The following LRRC4B variants were observed in gnomAD, a reference collection of about 807,000 sequenced individuals.
The protein encoded by LRRC4B is leucine rich repeat containing 4B.
Under a neutral mutation model 7.3 loss-of-function variants are expected in LRRC4B, and 1 was observed. The observed-to-expected ratio is 0.14, with a 90% CI of 0.05 to 0.65. The LOEUF is 0.65. Among genes scored for constraint, LRRC4B ranks in the 30% least tolerant of loss-of-function variants. LRRC4B has a pLI of 0.84. For missense variants in LRRC4B, 730 were observed against 1,041.6 expected, an observed-to-expected ratio of 0.70 and a Z score of 4.12; for synonymous variants, 500 against 499.2, an observed-to-expected ratio of 1.00 and a Z score of -0.02.
At chr19:50,549,500 G>C (rs1252072489) in intron 1 of LRRC4B, among the ~76,000 whole-genome samples, 3 of 152,114 alleles carry the variant, frequency 2.0e-5, no homozygotes, top group Non-Finnish European at 4.4e-5. Context: ...ACCCTCCGCT[G>C]CACACCCTCC....
Position 50,522,050 on chromosome 19 carries a change from C to A in LRRC4B, c.298-2635G>T, listed in dbSNP as rs544372056. Among the ~76,000 whole-genome samples, 305 of 152,176 alleles carry A rather than the reference C, an allele frequency of 2.0e-3. 1 individual carries two copies. The highest frequency in any genetic ancestry group is 6.9e-3 in the African/African-American group (287 of 41,524). ...AAAATTAGCCCTGTGTGATGGCATG[C>A]ACCTGTGGTCCCAGCTACTCAGAAG... On this transcript the variant is annotated intron_variant, in intron 2 of 2. Transcript: ENST00000652263.
intron 2 of LRRC4B, among the ~76,000 whole-genome samples, chr19:50,526,846 T>C (rs896669826): frequency 1.3e-5 from 2 of 150,890 alleles, no homozygotes; most frequent in African/African-American, 2.4e-5. Flanking sequence ...TATTTTTTCA[T>C]TATCTTTTAC....
chr19:50,559,382 T>C (rs1407434872), intron 1 of LRRC4B, among the ~76,000 whole-genome samples: 2 of 151,942 alleles, frequency 1.3e-5, no homozygotes, highest in Non-Finnish European at 2.9e-5. Context: ...TGCAGTGAGC[T>C]GAGATGGCGC....
chr19:50,544,178 G>C (rs1981690790), intron 2 of LRRC4B, among the ~76,000 whole-genome samples: 1 of 151,668 alleles, frequency 6.6e-6, no homozygotes, highest in African/African-American at 2.4e-5. Flanking sequence ...TTGCACTCCA[G>C]CTTGGGCAAC....
intron 1 of LRRC4B, among the ~76,000 whole-genome samples, chr19:50,559,650 G>C (rs537047486): frequency 4.4e-4 from 67 of 152,360 alleles, no homozygotes; most frequent in African/African-American, 1.6e-3. Flanking sequence ...GCCCCCGCCA[G>C]CTCCACTCAT....
Position 50,563,409 on chromosome 19 carries a change from C to A in LRRC4B, c.-36+4535G>T, listed in dbSNP as rs1982533262. 2.0e-5 allele frequency among the ~76,000 whole-genome samples: 3 copies of A among 152,178 alleles called. No individual in the cohort carries two copies. In the South Asian group the frequency reaches 6.2e-4, roughly 31 times the overall value. ...AGTTAATGAGGTTTCCCGTACCCCA[C>A]CAGAGAGGACACAAAGACGTGCCCC... On this transcript the variant is annotated intron_variant, in intron 1 of 2. Coordinates refer to ENST00000652263, the MANE Select transcript of LRRC4B (RefSeq NM_001080457.2). This position sits in a 1 kb window ranked among gnomAD's most constrained non-coding sequence, Gnocchi z 4.9.
Position 50,563,676 on chromosome 19 carries a change from G to T in LRRC4B, c.-36+4268C>A, listed in dbSNP as rs994067408. ...ACGGGCTGTGATGCCACATGCTGGG[G>T]ACAAGAGTGTGGGGTCTGTGGCCCA... is the stretch of plus-strand genomic sequence containing the variant. On this transcript the variant is annotated intron_variant, in intron 1 of 2. Transcript: ENST00000652263. The surrounding 1 kb of genome is among the most constrained non-coding windows in gnomAD (Gnocchi z 4.9). 1.3e-5 allele frequency among the ~76,000 whole-genome samples: 2 copies of T among 152,226 alleles called. No homozygotes were observed. Among genetic ancestry groups the T allele is most frequent in the Non-Finnish European group, 2.9e-5 (2 of 68,032 alleles).
At chr19:50,561,557 G>A (rs1222854905) in intron 1 of LRRC4B, among the ~76,000 whole-genome samples, 2 of 151,424 alleles carry the variant, frequency 1.3e-5, no homozygotes, top group Non-Finnish European at 2.9e-5. Context: ...AACATAGTGA[G>A]AACCCCCTCT....
At position 50,548,887 on chromosome 19, in the gene LRRC4B, A is replaced by C; in HGVS notation, c.-35-14T>G. The stretch of plus-strand genomic sequence containing the variant: ...GACGCTGGGGGGCTGTGGGTGGGGG[A>C]GAGAAGGGGGAGAGGCTTGGTGAGG... On this transcript the variant is annotated splice_polypyrimidine_tract_variant and intron_variant, in intron 1 of 2. Coordinates refer to ENST00000652263, the MANE Select transcript of LRRC4B (RefSeq NM_001080457.2). The surrounding 1 kb of genome is among the most constrained non-coding windows in gnomAD (Gnocchi z 6.8). 1.9e-5 allele frequency: 20 copies of C among 1,053,562 alleles called. No homozygotes were observed. Among genetic ancestry groups the C allele is most frequent in the Non-Finnish European group, 2.4e-5 (18 of 762,044 alleles). 65.3% of individuals were successfully genotyped at this position (1,053,562 alleles called of 1,614,324 possible). A position where few individuals can be genotyped will look rare whatever the true frequency, so the allele number is the denominator to read the frequency against.
chr19:50,517,857 T>G lies in LRRC4B; in HGVS notation c.1856A>C (p.Asn619Thr). ...HGPTRTVEII[N>T]VEDELPAASA... ...GGCGGCGGGCAGCTCGTCCTCCACG[T>G]TGATGATCTCCACGGTGCGCGTGGG... The change falls in exon 3 of 3, where the codon AAC (asparagine) becomes ACC (threonine). Residue 619 changes from asparagine to threonine, a missense_variant. Physicochemically the swap from Asn to Thr is moderately conservative, Grantham distance 65. Around this residue, in one of 6 missense-constraint regions of LRRC4B, gnomAD observed 160 missense variants for 163.9 expected, o/e 0.98. Coordinates refer to ENST00000652263, the MANE Select transcript of LRRC4B (RefSeq NM_001080457.2). The surrounding 1 kb of genome is among the most constrained non-coding windows in gnomAD (Gnocchi z 6.6). 6.3e-7 allele frequency: 1 copy of G among 1,584,910 alleles called. No individual in the cohort carries two copies. The highest frequency in any genetic ancestry group is 1.1e-5 in the South Asian group (1 of 87,640).
chr19:50,547,375 T>C (rs1599778567), intron 2 of LRRC4B, among the ~76,000 whole-genome samples: 1 of 152,034 alleles, frequency 6.6e-6, no homozygotes, highest in Non-Finnish European at 1.5e-5. Flanking sequence ...GATGGTCAGA[T>C]GGGAGCAGCC....
At chr19:50,552,306 C>G (rs1982101198) in intron 1 of LRRC4B, among the ~76,000 whole-genome samples, 1 of 151,874 alleles carries the variant, frequency 6.6e-6, no homozygotes, top group Non-Finnish European at 1.5e-5. Context: ...CCCCACCATG[C>G]CACACAGCCT....
chr19:50,530,488 C>T (rs529307861), intron 2 of LRRC4B, among the ~76,000 whole-genome samples: 91 of 152,312 alleles, frequency 6.0e-4, no homozygotes, highest in African/African-American at 2.1e-3. Context: ...CTCCTGCTCA[C>T]CCTCTTGAAC....
chr19:50,560,404 T>G (rs1312462568), intron 1 of LRRC4B, among the ~76,000 whole-genome samples: 1 of 152,146 alleles, frequency 6.6e-6, no homozygotes, highest in Non-Finnish European at 1.5e-5. Flanking sequence ...TTACTAGCCA[T>G]GTTGGCTTGC....
At chr19:50,536,246 G>A (rs1981280647) in intron 2 of LRRC4B, among the ~76,000 whole-genome samples, 1 of 151,840 alleles carries the variant, frequency 6.6e-6, no homozygotes, top group African/African-American at 2.4e-5. Flanking sequence ...CGATTCTCCT[G>A]CCTCACCCTC....
chr19:50,517,940 C>G lies in LRRC4B; in HGVS notation c.1773G>C (p.Val591=). Residue 591 remains valine, a synonymous_variant, in exon 3 of 3, where the codon GTG becomes GTC. Coordinates refer to ENST00000652263, the MANE Select transcript of LRRC4B (RefSeq NM_001080457.2). The surrounding 1 kb of genome is among the most constrained non-coding windows in gnomAD (Gnocchi z 6.6). ...GCAGCTTGTAGAAGGCCACGAGCAT[C>G]ACCGCGGCCATGAACGTGATGGCCA... ...CFVAITFMAA[V]MLVAFYKLRK... is the part of the protein sequence containing the mutation. The G allele has an allele frequency of 6.4e-7, 1 of 1,559,308 alleles. No individual in the cohort carries two copies. The highest frequency in any genetic ancestry group is 1.2e-5 in the South Asian group (1 of 82,182).
At chr19:50,562,323 C>T (rs1275584629) in intron 1 of LRRC4B, among the ~76,000 whole-genome samples, 2 of 152,104 alleles carry the variant, frequency 1.3e-5, no homozygotes, top group East Asian at 3.9e-4. Context: ...CTCTCTGGGC[C>T]TCAGTTTCCC....
chr19:50,568,221 G>A lies in LRRC4B; in HGVS notation c.-313C>T, dbSNP rs1307827966. 6.6e-6 allele frequency among the ~76,000 whole-genome samples: 1 copy of A among 151,702 alleles called. No homozygotes were observed. Among genetic ancestry groups the A allele is most frequent in the East Asian group, 2.0e-4 (1 of 5,096 alleles). On this transcript the variant is annotated 5_prime_UTR_variant, in exon 1 of 3. Coordinates refer to ENST00000652263, the MANE Select transcript of LRRC4B (RefSeq NM_001080457.2). ...GGCCCCGCGCCCTCGCCCGCCGCCCGCCTTCCTTCTTGCCTTCCTTTCTTT... is the reference window on the plus strand; with the variant it reads ...GGCCCCGCGCCCTCGCCCGCCGCCCACCTTCCTTCTTGCCTTCCTTTCTTT...
chr19:50,549,779 C>T (rs1205117171), intron 1 of LRRC4B, among the ~76,000 whole-genome samples: 1 of 152,272 alleles, frequency 6.6e-6, no homozygotes, highest in African/African-American at 2.4e-5. Flanking sequence ...TCCTTTGCCC[C>T]GAGACTGTGG....
Sources: gnomAD v4.1 joint callset for allele counts (sites outside exome capture counted in the v4.1 genomes callset) on GRCh38, gnomAD v4.1.1 for gene constraint, gnomAD v4.1.1 regional missense constraint, Gnocchi (gnomAD v3.1) non-coding constraint, MANE v1.5 for transcripts, NCBI Gene and HGNC (gene_info 2026-07-23, HGNC 2026-07-21) for gene names.